Variants in WDR70 observed in about 807,000 individuals in gnomAD.
The protein encoded by WDR70 is WD repeat-containing protein 70.
Under a neutral mutation model 88.6 loss-of-function variants are expected in WDR70, and 53 were observed. That is an observed-to-expected ratio of 0.60 (90% CI 0.48 to 0.75). The LOEUF (loss-of-function observed/expected upper bound fraction) is 0.75, where lower values mean the gene tolerates loss of function less well. WDR70 is among the 30% of genes least tolerant of loss of function. WDR70 has a pLI of 0.00. For missense variants in WDR70, 610 were observed against 823.2 expected, an observed-to-expected ratio of 0.74 and a Z score of 3.17; for synonymous variants, 280 against 270.0, an observed-to-expected ratio of 1.04 and a Z score of -0.36.
intron 9 of WDR70, among the ~76,000 whole-genome samples, chr5:37,601,131 C>T (rs1743869140): frequency 6.6e-6 from 1 of 152,168 alleles, no homozygotes; most frequent in South Asian, 2.1e-4. Flanking sequence ...ATCAACTCTG[C>T]ACTGTTGAGT....
chr5:37,380,012 A>C (rs1412150812), intron 2 of WDR70, among the ~76,000 whole-genome samples: 15 of 152,220 alleles, frequency 9.9e-5, no homozygotes, highest in African/African-American at 3.6e-4. Flanking sequence ...GGTTATACCA[A>C]AGTTAACAGA....
intron 10 of WDR70, among the ~76,000 whole-genome samples, chr5:37,618,413 G>A (rs1253329331): frequency 1.3e-5 from 2 of 152,144 alleles, no homozygotes; most frequent in Non-Finnish European, 2.9e-5. Flanking sequence ...CAGTTGCCCA[G>A]GCTGGAGTGC....
At chr5:37,574,914 T>C (rs1389238476) in intron 9 of WDR70, among the ~76,000 whole-genome samples, 1 of 152,154 alleles carries the variant, frequency 6.6e-6, no homozygotes, top group African/African-American at 2.4e-5. Flanking sequence ...TTTTTCTCCT[T>C]CTCCACAATG....
rs369524084 is a variant in WDR70, at chr5:37,684,705, G to A, written c.1093-12950G>A. On this transcript the variant is annotated intron_variant, in intron 10 of 17. Coordinates refer to ENST00000265107, the MANE Select transcript of WDR70 (RefSeq NM_018034.4). ...GGGGCTGAGATGCCCCCAGACTTCTGATCATTACACTTGGATGGGTGGTGT... is the reference window on the plus strand; with the variant it reads ...GGGGCTGAGATGCCCCCAGACTTCTAATCATTACACTTGGATGGGTGGTGT... Among the ~76,000 whole-genome samples, 132 of 152,304 alleles carry A rather than the reference G, an allele frequency of 8.7e-4. 2 individuals carry two copies. In the South Asian group the frequency reaches 0.027, roughly 31 times the overall value.
At chr5:37,410,228 A>G (rs961376657) in intron 5 of WDR70, among the ~76,000 whole-genome samples, 2 of 144,736 alleles carry the variant, frequency 1.4e-5, no homozygotes, top group African/African-American at 5.2e-5. Flanking sequence ...TTTTAGAGAC[A>G]AGGTCTTCCC....
At chr5:37,479,812 C>G in intron 7 of WDR70, 22 bp from the exon 8 acceptor site, 2 of 1,597,888 alleles carry the variant, frequency 1.3e-6, no homozygotes, top group South Asian at 1.1e-5. Context: ...ATCTTACCAA[C>G]TTTCCTTTTC....
intron 9 of WDR70, among the ~76,000 whole-genome samples, chr5:37,519,551 G>A (rs75618577): frequency 5.1e-4 from 72 of 142,558 alleles, no homozygotes; most frequent in Admixed American, 1.8e-3. Context: ...GGGCGGAGGC[G>A]CTCCTCACCT....
chr5:37,584,686 G>T (rs993762583), intron 9 of WDR70, among the ~76,000 whole-genome samples: 8 of 152,036 alleles, frequency 5.3e-5, no homozygotes, highest in African/African-American at 1.7e-4. Flanking sequence ...CCATAATTAT[G>T]TTAAACTTTA....
chr5:37,487,621 A>ATTTTTTT (rs1561871968), intron 8 of WDR70, among the ~76,000 whole-genome samples: 11 of 37,704 alleles, frequency 2.9e-4, no homozygotes, highest in African/African-American at 7.3e-4. Context: ...ATATATATAT[A>ATTTTTTT]TATGTATTTT....
At chr5:37,399,321 T>C (rs2111914452) in intron 5 of WDR70, among the ~76,000 whole-genome samples, 1 of 152,128 alleles carries the variant, frequency 6.6e-6, no homozygotes, top group South Asian at 2.1e-4. Context: ...GACAGGAGGC[T>C]GAGGCAGGGG....
chr5:37,669,836 C>T (rs1745969698), intron 10 of WDR70, among the ~76,000 whole-genome samples: 1 of 152,022 alleles, frequency 6.6e-6, no homozygotes, highest in Non-Finnish European at 1.5e-5. Flanking sequence ...TATTATTTGG[C>T]AATAAAAAGA....
intron 9 of WDR70, among the ~76,000 whole-genome samples, chr5:37,554,162 A>G (rs1742229550): frequency 6.8e-6 from 1 of 147,506 alleles, no homozygotes. Context: ...AGCCAGCATT[A>G]CCAAAGACAG....
chr5:37,703,118 G>C, intron 13 of WDR70, 31 bp downstream of exon 13: 1 of 1,585,470 alleles, frequency 6.3e-7, no homozygotes, highest in Non-Finnish European at 8.6e-7. Flanking sequence ...TCAGCCTTGA[G>C]AATACATAAA....
intron 17 of WDR70, among the ~76,000 whole-genome samples, chr5:37,735,812 TGA>T (rs1748289882): frequency 1.3e-5 from 2 of 152,198 alleles, no homozygotes; most frequent in South Asian, 4.1e-4. Context: ...CTGTCAGTGA[TGA>T]AATGAAGATT....
intron 5 of WDR70, among the ~76,000 whole-genome samples, chr5:37,405,354 T>C (rs1322723578): frequency 6.9e-6 from 1 of 144,138 alleles, no homozygotes; most frequent in African/African-American, 2.5e-5. Flanking sequence ...TGCCTTATAC[T>C]TTTTTTTTTT....
At chr5:37,682,871 T>A (rs994486261) in intron 10 of WDR70, among the ~76,000 whole-genome samples, 2 of 152,090 alleles carry the variant, frequency 1.3e-5, no homozygotes, top group East Asian at 3.9e-4. Flanking sequence ...ATGTGCCATG[T>A]GGTGATGAGA....
rs1175297319 is a variant in WDR70 at position 37,391,981 on chromosome 5, C to CT, written c.176-12dup. On this transcript the variant is annotated intron_variant, in intron 3 of 17. Coordinates refer to ENST00000265107, the MANE Select transcript of WDR70 (RefSeq NM_018034.4). The stretch of plus-strand genomic sequence containing the variant: ...TAACCGTTGGGATTTTTTTGTTAAT[C>CT]TTTTTTTAATCTTTTCAGAAGCAAG... 2.5e-6 allele frequency: 4 copies of CT among 1,578,458 alleles called. No individual in the cohort carries two copies. In the African/African-American group the frequency reaches 4.1e-5, roughly 16 times the overall value.
At chr5:37,709,357 A>G (rs753149128) in intron 13 of WDR70, among the ~76,000 whole-genome samples, 5 of 152,186 alleles carry the variant, frequency 3.3e-5, no homozygotes, top group Admixed American at 6.5e-5. Flanking sequence ...CACTTTTTTT[A>G]GGAGGATTAA....
chr5:37,692,315 T>C (rs1488295924), intron 10 of WDR70, among the ~76,000 whole-genome samples: 2 of 152,212 alleles, frequency 1.3e-5, no homozygotes, highest in Non-Finnish European at 2.9e-5. Context: ...CCATTCCTTC[T>C]GGAACTATTA....
Sources: gnomAD v4.1 joint callset for allele counts (sites outside exome capture counted in the v4.1 genomes callset) on GRCh38, gnomAD v4.1.1 for gene constraint, MANE v1.5 for transcripts, NCBI Gene and HGNC (gene_info 2026-07-23, HGNC 2026-07-21) for gene names.